Variants in ARHGAP6 observed in about 807,000 individuals in gnomAD.
ARHGAP6 encodes rho GTPase-activating protein 6.
In ARHGAP6, 16 loss-of-function variants were observed where a neutral mutation model predicts 55.7. That is an observed-to-expected ratio of 0.29 (90% confidence interval 0.19 to 0.44). The LOEUF is 0.44. ARHGAP6 is among the 20% of genes least tolerant of loss of function. ARHGAP6 has a pLI of 1.00. For synonymous variants in ARHGAP6, 382 were observed against 360.9 expected (o/e 1.06, Z -0.66); for missense variants, 698 against 808.9 (o/e 0.86, Z 1.66).
chrX:11,244,972 T>C (rs1479236146), intron 2 of ARHGAP6, among the ~76,000 whole-genome samples: 1 of 112,121 alleles, frequency 8.9e-6, no homozygotes, highest in Non-Finnish European at 1.9e-5. Context: ...CAACATAGCA[T>C]CATATAGTGG....
chrX:11,425,489 C>T (rs779052218), intron 1 of ARHGAP6, among the ~76,000 whole-genome samples: 24 of 112,186 alleles, frequency 2.1e-4, no homozygotes, highest in South Asian at 1.9e-3. Context: ...GCTTTCTCAT[C>T]CTAAAGTATG....
At chrX:11,523,036 A>G (rs1208895873) in intron 1 of ARHGAP6, among the ~76,000 whole-genome samples, 1 of 111,824 alleles carries the variant, frequency 8.9e-6, no homozygotes, top group Non-Finnish European at 1.9e-5. Flanking sequence ...CTTCTCCACC[A>G]TGATCAAGTG....
chrX:11,604,367 G>A (rs964839271), intron 1 of ARHGAP6, among the ~76,000 whole-genome samples: 20 of 110,689 alleles, frequency 1.8e-4, no homozygotes, highest in East Asian at 2.8e-4. Context: ...TTGTGTAGAT[G>A]GTAGATATAA....
Position 11,414,253 on chromosome X carries a change from A to C in ARHGAP6, c.589-159546T>G, listed in dbSNP as rs182935562. Among the ~76,000 whole-genome samples the C allele has an allele frequency of 4.4e-5, 5 of 112,516 alleles. No homozygotes were observed. The East Asian group carries it at 8.3e-4, about 19-fold the overall frequency. On this transcript the variant is annotated intron_variant, in intron 1 of 12. Coordinates refer to ENST00000337414, the MANE Select transcript of ARHGAP6 (RefSeq NM_013427.3). ...ACTGAACTCTGCTATCATAGTGTGAAAGCAGCCAAAGACAATATGTCAATA... is the reference window on the plus strand; with the variant it reads ...ACTGAACTCTGCTATCATAGTGTGACAGCAGCCAAAGACAATATGTCAATA...
At chrX:11,468,288 C>T (rs1603221893) in intron 1 of ARHGAP6, among the ~76,000 whole-genome samples, 2 of 112,161 alleles carry the variant, frequency 1.8e-5, no homozygotes, top group African/African-American at 3.2e-5. Context: ...TGAAACTCAA[C>T]GAACAGTTTC....
chrX:11,191,610 C>T (rs748329593), intron 3 of ARHGAP6, among the ~76,000 whole-genome samples: 2 of 111,747 alleles, frequency 1.8e-5, no homozygotes, highest in Non-Finnish European at 3.8e-5. Flanking sequence ...CTCCTTTTGC[C>T]ACAGTTAAAA....
Position 11,188,942 on chromosome X carries a change from A to G in ARHGAP6, c.863T>C (p.Ile288Thr). ...GAGTTTATAGGCCCTGTCATTCGCA[A>G]TGACTTGGGATAAGGGCATTCCAAA... The part of the protein sequence containing the change: ...QAFGMPLSQV[I>T]ANDRAYKLKQ... The change falls in exon 4 of 13, where the codon ATT (isoleucine) becomes ACT (threonine). Residue 288 changes from isoleucine to threonine, a missense_variant. This residue lies in a region of ARHGAP6 where 322 missense variants were observed against 451.1 expected (regional missense o/e 0.71). Coordinates refer to ENST00000337414, the MANE Select transcript of ARHGAP6 (RefSeq NM_013427.3). 8.3e-7 allele frequency: 1 copy of G among 1,211,565 alleles called. No individual in the cohort carries two copies.
intron 1 of ARHGAP6, among the ~76,000 whole-genome samples, chrX:11,651,477 C>G (rs1287411022): frequency 8.9e-6 from 1 of 111,950 alleles, no homozygotes; most frequent in Non-Finnish European, 1.9e-5. Context: ...ATCTCATTCT[C>G]TTTTATGACT....
At chrX:11,377,657 A>G (rs1157316098) in intron 1 of ARHGAP6, among the ~76,000 whole-genome samples, 2 of 111,969 alleles carry the variant, frequency 1.8e-5, no homozygotes, top group Non-Finnish European at 3.8e-5. Context: ...ACTTATTTCA[A>G]TGTCACCTTT....
intron 1 of ARHGAP6, among the ~76,000 whole-genome samples, chrX:11,348,453 T>A (rs748861658): frequency 9.0e-6 from 1 of 110,705 alleles, no homozygotes; most frequent in Admixed American, 9.5e-5. Flanking sequence ...GGATCAGAAG[T>A]CTTTGTCTGT....
chrX:11,254,802 C>T (rs1286167187), intron 1 of ARHGAP6, 95 bp from the exon 2 acceptor site: 7 of 999,718 alleles, frequency 7.0e-6, no homozygotes, highest in Non-Finnish European at 6.5e-6. Flanking sequence ...TAAAGTCAAG[C>T]AAACCACCTT....
At chrX:11,340,905 G>A (rs1041465121) in intron 1 of ARHGAP6, among the ~76,000 whole-genome samples, 2 of 111,018 alleles carry the variant, frequency 1.8e-5, no homozygotes, top group Non-Finnish European at 3.8e-5. Flanking sequence ...CTAAAATGGA[G>A]CTCAGCATAG....
chrX:11,265,041 G>A (rs1360432218), intron 1 of ARHGAP6, among the ~76,000 whole-genome samples: 2 of 112,240 alleles, frequency 1.8e-5, no homozygotes, highest in Non-Finnish European at 3.8e-5. Context: ...AACATTTCAT[G>A]ATAAACCAAT....
chrX:11,212,286 A>G (rs1320781903), intron 2 of ARHGAP6, among the ~76,000 whole-genome samples: 1 of 111,755 alleles, frequency 8.9e-6, no homozygotes, highest in Non-Finnish European at 1.9e-5. Context: ...CCCAGGTCAT[A>G]TGGCACTGGT....
intron 1 of ARHGAP6, chrX:11,334,860 T>G (rs1044497450): frequency 2.5e-5 from 4 of 160,828 alleles, no homozygotes; most frequent in African/African-American, 1.3e-4. Context: ...TGCATGAGGG[T>G]CCCAGGCATG....
chrX:11,281,282 T>C (rs752100548), intron 1 of ARHGAP6, among the ~76,000 whole-genome samples: 47 of 110,003 alleles, frequency 4.3e-4, no homozygotes, highest in African/African-American at 1.5e-3. Flanking sequence ...TGGAAGGGAG[T>C]CCAAGGGATC....
At chrX:11,593,358 C>T (rs1325342912) in intron 1 of ARHGAP6, among the ~76,000 whole-genome samples, 1 of 111,361 alleles carries the variant, frequency 9.0e-6, no homozygotes, top group African/African-American at 3.3e-5. Flanking sequence ...AGACTACATG[C>T]CATATGATTC....
At chrX:11,163,231 GAAA>G (rs2045974498) in intron 9 of ARHGAP6, among the ~76,000 whole-genome samples, 1 of 111,696 alleles carries the variant, frequency 9.0e-6, no homozygotes, top group Admixed American at 9.5e-5. Context: ...CTGCTTCAGA[GAAA>G]AAAATGTAAA....
chrX:11,387,430 C>A (rs1299354184), intron 1 of ARHGAP6, among the ~76,000 whole-genome samples: 1 of 111,677 alleles, frequency 9.0e-6, no homozygotes, highest in East Asian at 2.8e-4. Context: ...GCCCAAACAG[C>A]CACTTGCACC....
Sources: allele counts gnomAD v4.1 joint callset (sites outside exome capture counted in the v4.1 genomes callset), GRCh38; gene constraint gnomAD v4.1.1; regional missense constraint gnomAD v4.1.1; transcripts MANE v1.5; gene names NCBI Gene and HGNC (gene_info 2026-07-23, HGNC 2026-07-21).